MGAT3: variants seen among roughly 807,000 people sequenced by gnomAD.
MGAT3 encodes GlcNAc-T III.
A neutral mutation model predicts 29.8 loss-of-function variants in MGAT3; 9 were observed. The observed-to-expected ratio is 0.30, with a 90% confidence interval of 0.18 to 0.53. The LOEUF (loss-of-function observed/expected upper bound fraction) is 0.53. Ranked by LOEUF, MGAT3 falls within the 20% of genes least tolerant of loss-of-function variation. The pLI is 0.96. For missense variants in MGAT3, 557 were observed against 769.5 expected (o/e 0.72, Z 3.27); for synonymous variants, 397 against 348.9 (o/e 1.14, Z -1.54).
At chr22:39,473,484 G>A (rs572929531) in intron 1 of MGAT3, among the ~76,000 whole-genome samples, 1 of 152,310 alleles carries the variant, frequency 6.6e-6, no homozygotes, top group African/African-American at 2.4e-5. Context: ...CCATGAGGGT[G>A]GAGCCCTCAC....
chr22:39,473,039 G>C (rs145626955), intron 1 of MGAT3, among the ~76,000 whole-genome samples: 145 of 152,272 alleles, frequency 9.5e-4, no homozygotes, highest in Admixed American at 2.3e-3. Flanking sequence ...TTGACTCACT[G>C]AACTTCGGTT....
At chr22:39,459,059 T>C (rs1433564241) in intron 1 of MGAT3, among the ~76,000 whole-genome samples, 1 of 39,436 alleles carries the variant, frequency 2.5e-5, no homozygotes, top group East Asian at 0.038. Flanking sequence ...TCCTTTTTCT[T>C]TTCTTTTCTT....
intron 1 of MGAT3, chr22:39,476,706 G>A (rs1418019558): frequency 6.6e-6 from 1 of 152,128 alleles, no homozygotes; most frequent in African/African-American, 2.4e-5. Context: ...GTTTCCGTCT[G>A]TTTCATTCCC....
intron 1 of MGAT3, among the ~76,000 whole-genome samples, chr22:39,480,527 C>T (rs1929092845): frequency 6.6e-6 from 1 of 152,178 alleles, no homozygotes; most frequent in South Asian, 2.1e-4. Flanking sequence ...CACAGGGGGA[C>T]CACAGACAAA....
chr22:39,488,917 G>A lies in MGAT3; in HGVS notation c.1570G>A (p.Ala524Thr), dbSNP rs201354970. ...CAGGGGTCCCGAGGGAAGGCCGCCC[G>A]CCCGGGGCAAACTGGACGAGGCGGA... ...RHRGPEGRPP[A>T]RGKLDEAEV Residue 524 changes from alanine (A) to threonine (T), a missense_variant, in exon 2 of 2, where the codon GCC becomes ACC. Coordinates refer to ENST00000341184, the MANE Select transcript of MGAT3 (RefSeq NM_002409.5). The A allele has an allele frequency of 8.7e-6, 14 of 1,604,492 alleles. No homozygotes were observed. Among genetic ancestry groups the A allele is most frequent in the Admixed American group, 1.7e-5 (1 of 58,902 alleles).
intron 1 of MGAT3, among the ~76,000 whole-genome samples, chr22:39,472,561 CCA>C (rs1928840581): frequency 6.6e-6 from 1 of 152,134 alleles, no homozygotes; most frequent in South Asian, 2.1e-4. Context: ...ACCTGTAAAA[CCA>C]CAGTGTCCCT....
In MGAT3 at chr22:39,489,483, A is replaced by T. The variant is rs908156223; in HGVS notation, c.*534A>T. On this transcript the variant is annotated 3_prime_UTR_variant, in exon 2 of 2. Transcript: ENST00000341184. ...GATGAAAAAGCCACATCCTACCAAG[A>T]GGAGGTGCTGAGGGATGCTTTGCAG... The T allele has an allele frequency of 1.1e-5, 2 of 176,788 alleles. No individual in the cohort carries two copies. Among genetic ancestry groups the T allele is most frequent in the African/African-American group, 4.8e-5 (2 of 41,464 alleles). 11.0% of individuals were successfully genotyped at this position (176,788 alleles called of 1,614,324 possible). A position where few individuals can be genotyped will look rare whatever the true frequency, so the allele number is the denominator to read the frequency against.
At chr22:39,472,825 A>G (rs926593283) in intron 1 of MGAT3, 1 of 152,292 alleles carries the variant, frequency 6.6e-6, no homozygotes, top group African/African-American at 2.4e-5. Context: ...AACTGCTGCC[A>G]TAGAGCCTTG....
At position 39,487,462 on chromosome 22, in the gene MGAT3, G is replaced by T; in HGVS notation, c.115G>T (p.Ala39Ser). ...LSYVTFPREL[A>S]SLSPNLVSSF... ...CTATGTCACCTTCCCCCGAGAACTGGCCTCCCTCAGCCCTAACCTGGTGTC... is the reference window on the plus strand; with the variant it reads ...CTATGTCACCTTCCCCCGAGAACTGTCCTCCCTCAGCCCTAACCTGGTGTC... The change falls in exon 2 of 2, where the codon GCC (alanine) becomes TCC (serine). Residue 39 changes from alanine (A) to serine (S), a missense_variant. By Grantham distance (99) the Ala-to-Ser change is moderately conservative (BLOSUM62 1). Around this residue, in one of 3 missense-constraint regions of MGAT3, gnomAD observed 212 missense variants for 228.5 expected, o/e 0.93. Transcript: ENST00000341184. This position sits in a 1 kb window ranked among gnomAD's most constrained non-coding sequence, Gnocchi z 5.7. 6.2e-7 allele frequency: 1 copy of T among 1,613,426 alleles called. No individual in the cohort carries two copies. The highest frequency in any genetic ancestry group is 8.5e-7 in the Non-Finnish European group (1 of 1,179,932).
Position 39,488,916 on chromosome 22 carries a change from C to T in MGAT3, c.1569C>T (p.Pro523=), listed in dbSNP as rs1157208831. The T allele has an allele frequency of 1.9e-6, 3 of 1,604,576 alleles. No individual in the cohort carries two copies. The highest frequency in any genetic ancestry group is 8.5e-7 in the Non-Finnish European group (1 of 1,176,040). The change falls in exon 2 of 2, where the codon CCC becomes CCT. Residue 523 remains proline (P), a synonymous_variant. Coordinates refer to ENST00000341184, the MANE Select transcript of MGAT3 (RefSeq NM_002409.5). ...ACAGGGGTCCCGAGGGAAGGCCGCC[C>T]GCCCGGGGCAAACTGGACGAGGCGG... ...WRHRGPEGRP[P]ARGKLDEAEV
At chr22:39,482,361 C>T (rs1929151650) in intron 1 of MGAT3, among the ~76,000 whole-genome samples, 1 of 152,196 alleles carries the variant, frequency 6.6e-6, no homozygotes, top group South Asian at 2.1e-4. Flanking sequence ...CTTTAGCCCA[C>T]AGCTGGGCCA....
chr22:39,473,427 T>A (rs1928866736), intron 1 of MGAT3, among the ~76,000 whole-genome samples: 1 of 152,170 alleles, frequency 6.6e-6, no homozygotes, highest in Admixed American at 6.5e-5. Flanking sequence ...CATGCTGTTA[T>A]CAGGAACAAT....
chr22:39,465,238 C>T (rs1483406207), intron 1 of MGAT3, among the ~76,000 whole-genome samples: 12 of 152,156 alleles, frequency 7.9e-5, no homozygotes, highest in African/African-American at 1.2e-4. Flanking sequence ...GGTGTCTCCT[C>T]CTTCACACCA....
chr22:39,488,779 A>G lies in MGAT3; in HGVS notation c.1432A>G (p.Ser478Gly). The G allele has an allele frequency of 6.2e-7, 1 of 1,611,922 alleles. No individual in the cohort carries two copies. The highest frequency in any genetic ancestry group is 1.1e-5 in the South Asian group (1 of 90,810). ...GCAGGAGTACCCGCCTGCAGACCCCAGCGAGCACATGTATGCGCCCAAGTA... is the reference window on the plus strand; with the variant it reads ...GCAGGAGTACCCGCCTGCAGACCCCGGCGAGCACATGTATGCGCCCAAGTA... ...TQQEYPPADP[S>G]EHMYAPKYLL... is the part of the protein sequence containing the mutation. The change falls in exon 2 of 2, where the codon AGC becomes GGC. Residue 478 changes from serine to glycine, a missense_variant. Physicochemically the swap from Ser to Gly is moderately conservative, Grantham distance 56. This residue lies in a region of MGAT3 where 102 missense variants were observed against 97.0 expected (regional missense o/e 1.05). Transcript: ENST00000341184.
chr22:39,485,507 T>TTAGAATA (rs1223221848), intron 1 of MGAT3, among the ~76,000 whole-genome samples: 1 of 152,124 alleles, frequency 6.6e-6, no homozygotes, highest in South Asian at 2.1e-4. Flanking sequence ...AAAGTTTATT[T>TTAGAATA]AGGCCAGGCA....
At chr22:39,471,306 G>A (rs1340207155) in intron 1 of MGAT3, among the ~76,000 whole-genome samples, 2 of 152,136 alleles carry the variant, frequency 1.3e-5, no homozygotes, top group African/African-American at 4.8e-5. Flanking sequence ...AAGTATGGGG[G>A]TCTCGAGGAT....
intron 1 of MGAT3, among the ~76,000 whole-genome samples, chr22:39,464,513 C>T (rs1928583602): frequency 6.6e-6 from 1 of 151,916 alleles, no homozygotes; most frequent in African/African-American, 2.4e-5. Flanking sequence ...GATCTCAGCT[C>T]ACTGCAACCT....
Position 39,472,446 on chromosome 22 carries a change from C to T in MGAT3, c.-2+14889C>T, listed in dbSNP as rs560899547. Among the ~76,000 whole-genome samples the T allele has an allele frequency of 6.8e-4, 104 of 152,250 alleles. 1 individual carries two copies. The highest frequency in any genetic ancestry group is 1.2e-3 in the Non-Finnish European group (82 of 67,992). On this transcript the variant is annotated intron_variant, in intron 1 of 1. Coordinates refer to ENST00000341184, the MANE Select transcript of MGAT3 (RefSeq NM_002409.5). ...AATGTCCAGTAGCCCCTCTGGGAGT[C>T]GGGGTGCAGTTCTCGGGAACCCTCC...
rs982261620 is a variant in MGAT3, at chr22:39,457,932, C to T, written c.-2+375C>T. On this transcript the variant is annotated intron_variant, in intron 1 of 1. Coordinates refer to ENST00000341184, the MANE Select transcript of MGAT3 (RefSeq NM_002409.5). This position sits in a 1 kb window ranked among gnomAD's most constrained non-coding sequence, Gnocchi z 6.8. Reference sequence around the variant, plus strand: ...CTCCGGCGCGGCTCCCCCACAACCTCCGGCGCGGCGCGGGGCTGGGGTGGG... The same window carrying T: ...CTCCGGCGCGGCTCCCCCACAACCTTCGGCGCGGCGCGGGGCTGGGGTGGG... 5.8e-4 allele frequency among the ~76,000 whole-genome samples: 88 copies of T among 151,838 alleles called. 1 individual carries two copies. Among genetic ancestry groups the T allele is most frequent in the Non-Finnish European group, 1.1e-3 (72 of 67,886 alleles).
Sources: gnomAD v4.1 joint callset for allele counts (sites outside exome capture counted in the v4.1 genomes callset) on GRCh38, gnomAD v4.1.1 for gene constraint, gnomAD v4.1.1 regional missense constraint, Gnocchi (gnomAD v3.1) non-coding constraint, MANE v1.5 for transcripts, NCBI Gene and HGNC (gene_info 2026-07-23, HGNC 2026-07-21) for gene names.